MRPS2: variants seen among roughly 807,000 people sequenced by gnomAD.
The protein encoded by MRPS2 is small ribosomal subunit protein uS2m.
In MRPS2, 13 loss-of-function variants were observed where a neutral mutation model predicts 18.9. The observed-to-expected ratio is 0.69, with a 90% CI of 0.45 to 1.09. The LOEUF is 1.09. Ranked by LOEUF, MRPS2 falls within the 50% of genes least tolerant of loss-of-function variation. MRPS2 has a pLI of 0.00. For synonymous variants in MRPS2, 186 were observed against 178.4 expected (o/e 1.04, Z -0.34); for missense variants, 389 against 421.7 (o/e 0.92, Z 0.68).
At position 135,504,418 on chromosome 9, in the gene MRPS2, A is replaced by C; in HGVS notation, c.*285A>C. Reference sequence around the variant, plus strand: ...GCTGGTATGGCCAAGCTGCTAGAAGATGCTGCTGTCCCTGTGATCCCAGCA... The same window carrying C: ...GCTGGTATGGCCAAGCTGCTAGAAGCTGCTGCTGTCCCTGTGATCCCAGCA... On this transcript the variant is annotated 3_prime_UTR_variant, in exon 4 of 4. Transcript: ENST00000241600. This position sits in a 1 kb window ranked among gnomAD's most constrained non-coding sequence, Gnocchi z 4.3. 1 of 471,910 alleles carries C rather than the reference A, an allele frequency of 2.1e-6. No individual in the cohort carries two copies. Among genetic ancestry groups the C allele is most frequent in the South Asian group, 3.0e-5 (1 of 33,464 alleles). 29.2% of individuals were successfully genotyped at this position (471,910 alleles called of 1,614,324 possible).
chr9:135,500,659 G>T, upstream of MRPS2: 1 of 1,408,074 alleles, frequency 7.1e-7, no homozygotes, highest in Non-Finnish European at 9.2e-7. Flanking sequence ...CGGAAGGGGA[G>T]GCCGCTCGGC....
intron 3 of MRPS2, chr9:135,502,343 C>G: frequency 3.1e-6 from 1 of 324,536 alleles, no homozygotes; most frequent in South Asian, 6.5e-5. Context: ...CTCACATGGT[C>G]ATTTTGACTG....
intron 3 of MRPS2, 121 bp from the exon 4 acceptor site, chr9:135,503,421 C>A: frequency 7.2e-7 from 1 of 1,383,228 alleles, no homozygotes; most frequent in Non-Finnish European, 9.6e-7. Flanking sequence ...TGCTTCCCAG[C>A]CCATAGTGCC....
rs1473511073 is a variant in MRPS2 at position 135,504,400 on chromosome 9, T to C, written c.*267T>C. The C allele has an allele frequency of 1.5e-5, 8 of 519,664 alleles. No homozygotes were observed. The highest frequency in any genetic ancestry group is 2.7e-5 in the Non-Finnish European group (8 of 293,522). The allele number at this position is 519,664 out of a possible 1,614,324, so 32.2% of individuals were successfully genotyped here. The stretch of plus-strand genomic sequence containing the variant: ...GCAGTTAGGACCTCAGTGGCTGGTA[T>C]GGCCAAGCTGCTAGAAGATGCTGCT... On this transcript the variant is annotated 3_prime_UTR_variant, in exon 4 of 4. Transcript: ENST00000241600. The surrounding 1 kb of genome is among the most constrained non-coding windows in gnomAD (Gnocchi z 4.3).
chr9:135,501,617 G>C, intron 2 of MRPS2: 1 of 1,347,998 alleles, frequency 7.4e-7, no homozygotes, highest in Non-Finnish European at 9.6e-7. Flanking sequence ...GACCAGGTTC[G>C]ACCAGGCTTA....
In MRPS2 at chr9:135,503,442, A is replaced by G. The variant is rs1009540791; in HGVS notation, c.300-100A>G. The G allele has an allele frequency of 4.3e-6, 6 of 1,403,894 alleles. No homozygotes were observed. The African/African-American group carries it at 8.7e-5, about 20-fold the overall frequency. 87.0% of individuals were successfully genotyped at this position (1,403,894 alleles called of 1,614,324 possible). On this transcript the variant is annotated intron_variant, in intron 3 of 3. Coordinates refer to ENST00000241600, the MANE Select transcript of MRPS2 (RefSeq NM_016034.5). The stretch of plus-strand genomic sequence containing the variant: ...CCAGCCCATAGTGCCCCCACAGAGG[A>G]GCCCGGGAGTCCCTGGTGGGCGTCT...
Position 135,503,530 on chromosome 9 carries a change from G to C in MRPS2, c.300-12G>C. ...ACTCTCATCCCCCTTGCCTTGGTGG[G>C]GTCTCTGGCAGGTTTATGGAGCCGT... On this transcript the variant is annotated splice_polypyrimidine_tract_variant and intron_variant, in intron 3 of 3. Transcript: ENST00000241600. 2 of 1,608,144 alleles carry C rather than the reference G, an allele frequency of 1.2e-6. No individual in the cohort carries two copies. Among genetic ancestry groups the C allele is most frequent in the Non-Finnish European group, 1.7e-6 (2 of 1,176,480 alleles).
At chr9:135,502,451 G>A (rs778270670) in intron 3 of MRPS2, 14 of 236,170 alleles carry the variant, frequency 5.9e-5, no homozygotes, top group South Asian at 1.8e-4. Flanking sequence ...TCGCAGTAGC[G>A]GAAGAGCTGG....
At chr9:135,503,180 C>A in intron 3 of MRPS2, 2 of 1,092,034 alleles carry the variant, frequency 1.8e-6, no homozygotes, top group South Asian at 3.1e-5. Context: ...ATCCGCAAAG[C>A]CTCGGGAAGA....
intron 1 of MRPS2, 119 bp downstream of exon 1, chr9:135,500,872 C>T (rs1266645404): frequency 3.9e-6 from 6 of 1,526,984 alleles, no homozygotes; most frequent in Non-Finnish European, 5.3e-6. Flanking sequence ...GGAGGGGACT[C>T]GGGGAGGGCG....
intron 3 of MRPS2, chr9:135,502,332 T>C: frequency 2.1e-6 from 2 of 935,242 alleles, no homozygotes; most frequent in Non-Finnish European, 2.6e-6. Flanking sequence ...GGTCCTGTAT[T>C]CTCACATGGT....
At chr9:135,501,731 C>T in intron 2 of MRPS2, 113 bp from the exon 3 acceptor site, 2 of 1,527,186 alleles carry the variant, frequency 1.3e-6, no homozygotes, top group Non-Finnish European at 1.8e-6. Context: ...TCCCGGCTCC[C>T]CACCTCGGTG....
rs1564221553 is a variant in MRPS2 at position 135,503,935 on chromosome 9, C to T, written c.693C>T (p.Leu231=). 1.2e-6 allele frequency: 2 copies of T among 1,614,012 alleles called. No homozygotes were observed. The highest frequency in any genetic ancestry group is 8.5e-7 in the Non-Finnish European group (1 of 1,180,044). Residue 231 remains leucine, a synonymous_variant, in exon 4 of 4, where the codon CTC becomes CTT. Coordinates refer to ENST00000241600, the MANE Select transcript of MRPS2 (RefSeq NM_016034.5). ...GIVDTNCNPC[L]ITYPVPGNDD... ...TGGACACCAACTGCAACCCCTGCCT[C>T]ATCACCTACCCTGTACCCGGCAATG...
chr9:135,502,101 A>C, intron 3 of MRPS2, 128 bp downstream of exon 3: 23 of 1,488,384 alleles, frequency 1.5e-5, no homozygotes, highest in South Asian at 1.3e-5. Flanking sequence ...CCTCCTCCAC[A>C]TGGGAATACA....
At chr9:135,502,077 G>A in intron 3 of MRPS2, 104 bp downstream of exon 3, 1 of 1,557,136 alleles carries the variant, frequency 6.4e-7, no homozygotes, top group Non-Finnish European at 8.7e-7. Flanking sequence ...AGTTTTAGGT[G>A]ATTACAGCCC....
At chr9:135,501,267 C>G in intron 2 of MRPS2, 144 bp downstream of exon 2, 1 of 1,431,986 alleles carries the variant, frequency 7.0e-7, no homozygotes, top group Non-Finnish European at 9.1e-7. Context: ...GTGCTCGCCG[C>G]CGCTCGGTCC....
intron 3 of MRPS2, chr9:135,503,236 T>A: frequency 8.1e-7 from 1 of 1,229,486 alleles, no homozygotes; most frequent in Non-Finnish European, 1.0e-6. Context: ...CGGGGCAGAA[T>A]GTCCTTTTGG....
intron 2 of MRPS2, chr9:135,501,496 G>T: frequency 2.4e-6 from 2 of 822,682 alleles, no homozygotes; most frequent in Non-Finnish European, 1.6e-6. Context: ...GGGACTTTCT[G>T]GCTGGCCACC....
At chr9:135,503,251 A>G (rs1831193084) in intron 3 of MRPS2, 7 of 1,260,828 alleles carry the variant, frequency 5.6e-6, no homozygotes, top group East Asian at 3.6e-5. Context: ...TTTTGGCGTC[A>G]TGTTGGATGT....
Sources: gnomAD v4.1 joint callset for allele counts on GRCh38, gnomAD v4.1.1 for gene constraint, Gnocchi (gnomAD v3.1) non-coding constraint, MANE v1.5 for transcripts, NCBI Gene and HGNC (gene_info 2026-07-23, HGNC 2026-07-21) for gene names.